PPP1R12C: variants seen among roughly 807,000 people sequenced by gnomAD.
PPP1R12C encodes leukocyte receptor cluster (LRC) encoded novel gene 3.
In PPP1R12C, 48 loss-of-function variants were observed where a neutral mutation model predicts 95.6. The ratio of observed to expected loss-of-function variants is 0.50; its 90% CI spans 0.40 to 0.64. The LOEUF (loss-of-function observed/expected upper bound fraction) is 0.64. PPP1R12C is among the 30% of genes least tolerant of loss of function. PPP1R12C has a pLI of 0.00. For missense variants in PPP1R12C, 1,057 were observed against 1,083.3 expected, an observed-to-expected ratio of 0.98 and a Z score of 0.34; for synonymous variants, 480 against 460.8, an observed-to-expected ratio of 1.04 and a Z score of -0.53.
In PPP1R12C at chr19:55,094,780, A is replaced by C. The variant is rs150000536; in HGVS notation, c.1473T>G (p.Pro491=). The C allele has an allele frequency of 6.4e-5, 102 of 1,600,056 alleles. No homozygotes were observed. The highest frequency in any genetic ancestry group is 8.0e-5 in the Non-Finnish European group (94 of 1,175,262). ...EPSVLSEVTK[P]PPCLENSSPP... is the part of the protein sequence containing the mutation. ...GCGAGGAGTTCTCCAAGCAAGGAGG[A>C]GGCTTGGTGACCTCAGACCTGCATC... The change falls in exon 12 of 22, where the codon CCT becomes CCG. Residue 491 remains proline (P), a synonymous_variant. Coordinates refer to ENST00000263433, the MANE Select transcript of PPP1R12C (RefSeq NM_017607.4).
At chr19:55,096,486 C>T in intron 6 of PPP1R12C, 151 bp from the exon 7 acceptor site, 1 of 933,448 alleles carries the variant, frequency 1.1e-6, no homozygotes, top group Admixed American at 2.1e-5. Flanking sequence ...CCACACACCT[C>T]AGGGGCAGGA....
chr19:55,096,324 T>C lies in PPP1R12C; in HGVS notation c.963A>G (p.Gln321=). 2 of 1,613,352 alleles carry C rather than the reference T, an allele frequency of 1.2e-6. No individual in the cohort carries two copies. The highest frequency in any genetic ancestry group is 1.7e-6 in the Non-Finnish European group (2 of 1,179,822). The change falls in exon 7 of 22, where the codon CAA becomes CAG. Residue 321 remains glutamine, a synonymous_variant. Transcript: ENST00000263433. ...LARKQEDLRN[Q]KEASQSRGQE... Reference sequence around the variant, plus strand: ...GGCCCCGGCTCTGGGAAGCTTCTTTTTGGTTCCGAAGCTGCAAGGAGGGAA... The same window carrying C: ...GGCCCCGGCTCTGGGAAGCTTCTTTCTGGTTCCGAAGCTGCAAGGAGGGAA...
In PPP1R12C at chr19:55,095,880, G is replaced by C; in HGVS notation, c.1214C>G (p.Pro405Arg). 6.2e-7 allele frequency: 1 copy of C among 1,613,774 alleles called. No individual in the cohort carries two copies. Among genetic ancestry groups the C allele is most frequent in the Non-Finnish European group, 8.5e-7 (1 of 1,179,976 alleles). Residue 405 changes from proline (P) to arginine (R), a missense_variant, in exon 9 of 22, where the codon CCT becomes CGT. Transcript: ENST00000263433. ...GCATCCACTCACCACGGGACTCTTA[G>C]GGCTGGGGTGCGGCGGGGAGGAGAC... is the stretch of plus-strand genomic sequence containing the variant. ...NGVSSPPHPS[P>R]KSPVQLEEAP...
intron 4 of PPP1R12C, among the ~76,000 whole-genome samples, chr19:55,100,047 C>T (rs2084964087): frequency 6.6e-6 from 1 of 152,202 alleles, no homozygotes; most frequent in Admixed American, 6.5e-5. Context: ...CCTGCCCCAG[C>T]TGTGCTGGGC....
At chr19:55,097,998 A>G (rs932452722) in intron 6 of PPP1R12C, among the ~76,000 whole-genome samples, 2 of 152,060 alleles carry the variant, frequency 1.3e-5, no homozygotes, top group African/African-American at 4.8e-5. Flanking sequence ...CCTGTGTGAG[A>G]TCTTCTCCTA....
In PPP1R12C at chr19:55,096,277, C is replaced by G. The variant is rs1046597727; in HGVS notation, c.1010G>C (p.Ser337Thr). Reference sequence around the variant, plus strand: ...CTCCCTATACCTTCTGTGTTTGCTGCTAGAGGGCGCTTGGGGCTCCTGGCC... The same window carrying G: ...CTCCCTATACCTTCTGTGTTTGCTGGTAGAGGGCGCTTGGGGCTCCTGGCC... ...SRGQEPQAPS[S>T]SKHRRSSVCR... is the part of the protein sequence containing the mutation. The change falls in exon 7 of 22, where the codon AGC becomes ACC. Residue 337 changes from serine to threonine, a missense_variant. Coordinates refer to ENST00000263433, the MANE Select transcript of PPP1R12C (RefSeq NM_017607.4). 6.2e-7 allele frequency: 1 copy of G among 1,613,880 alleles called. No homozygotes were observed. The highest frequency in any genetic ancestry group is 1.3e-5 in the African/African-American group (1 of 75,028).
chr19:55,099,171 G>A, intron 4 of PPP1R12C, 76 bp from the exon 5 acceptor site: 1 of 1,427,102 alleles, frequency 7.0e-7, no homozygotes. Context: ...CCAGCGGTTT[G>A]GTAACGAGGT....
chr19:55,111,114 G>C, intron 3 of PPP1R12C, among the ~76,000 whole-genome samples: 1 of 126,852 alleles, frequency 7.9e-6, no homozygotes, highest in Non-Finnish European at 1.6e-5. Context: ...CAAATCCACA[G>C]ACAGAAGGCA....
In PPP1R12C at chr19:55,093,005, G is replaced by T. The variant is rs767353029; in HGVS notation, c.1825+11C>A. The T allele has an allele frequency of 1.3e-6, 2 of 1,570,630 alleles. No individual in the cohort carries two copies. ...TTCCCTGGGAATGACCTCCCCGAGA[G>T]CAGACCTCACCTCTCTGGGCAGGGC... is the stretch of plus-strand genomic sequence containing the variant. On this transcript the variant is annotated intron_variant, in intron 15 of 21. Coordinates refer to ENST00000263433, the MANE Select transcript of PPP1R12C (RefSeq NM_017607.4).
rs896353267 is a variant in PPP1R12C at position 55,091,762 on chromosome 19, G to A, written c.2212-62C>T. On this transcript the variant is annotated intron_variant, in intron 20 of 21. Transcript: ENST00000263433. ...GCTGAGGAGGGCAGGGGAAGGCCAG[G>A]GGCCAGCTGGGAAGGGCAATGTGGC... The A allele has an allele frequency of 1.9e-6, 3 of 1,612,374 alleles. No homozygotes were observed. The African/African-American group carries it at 4.0e-5, about 22-fold the overall frequency.
rs1033752048 is a variant in PPP1R12C, at chr19:55,109,240, G to A, written c.571+3227C>T. Among the ~76,000 whole-genome samples the A allele has an allele frequency of 3.3e-5, 5 of 152,150 alleles. No homozygotes were observed. The highest frequency in any genetic ancestry group is 6.6e-5 in the Admixed American group (1 of 15,262). On this transcript the variant is annotated intron_variant, in intron 3 of 21. Transcript: ENST00000263433. The surrounding 1 kb of genome is among the most constrained non-coding windows in gnomAD (Gnocchi z 4.4). ...CTCAGCCTACTGAGTAGCTGGGAGC[G>A]TACGTGCATTCCCACGCCTGGCTAA...
rs935955913 is a variant in PPP1R12C at position 55,091,335 on chromosome 19, C to G, written c.*137G>C. ...GGCTCCTGGGGACTCTGCTCCCCTC[C>G]CAGTCCGGAGGTCCCAGGGGGGCTA... On this transcript the variant is annotated 3_prime_UTR_variant, in exon 22 of 22. Transcript: ENST00000263433. The G allele has an allele frequency of 7.3e-5, 69 of 947,932 alleles. No individual in the cohort carries two copies. The South Asian group carries it at 1.1e-3, about 15-fold the overall frequency. 58.7% of individuals were successfully genotyped at this position (947,932 alleles called of 1,614,324 possible). A position where few individuals can be genotyped will look rare whatever the true frequency, so the allele number is the denominator to read the frequency against.
intron 12 of PPP1R12C, 48 bp from the exon 13 acceptor site, chr19:55,094,483 C>G (rs766317220): frequency 1.9e-6 from 3 of 1,607,024 alleles, no homozygotes; most frequent in African/African-American, 1.3e-5. Flanking sequence ...GGACCCTGTC[C>G]CATTCCGTGG....
At chr19:55,112,827 T>A in intron 1 of PPP1R12C, 32 bp from the exon 2 acceptor site, 1 of 1,608,174 alleles carries the variant, frequency 6.2e-7, no homozygotes, top group Non-Finnish European at 8.5e-7. Flanking sequence ...CAGCCGCACC[T>A]ACCCCAGCCA....
chr19:55,097,242 C>T, intron 6 of PPP1R12C, among the ~76,000 whole-genome samples: 1 of 122,138 alleles, frequency 8.2e-6, no homozygotes, highest in South Asian at 2.9e-4. Context: ...CGCAGTTCAC[C>T]ACCGTCTTCA....
chr19:55,110,502 T>C (rs559923265), intron 3 of PPP1R12C, among the ~76,000 whole-genome samples: 2 of 152,212 alleles, frequency 1.3e-5, no homozygotes, highest in South Asian at 4.1e-4. Context: ...GCGTGTTGCA[T>C]CCCTACTGTG....
At chr19:55,095,821 T>G (rs755164244) in intron 9 of PPP1R12C, 46 bp downstream of exon 9, 3 of 1,594,718 alleles carry the variant, frequency 1.9e-6, no homozygotes, top group Non-Finnish European at 2.6e-6. Flanking sequence ...GAATCCCACC[T>G]CCGGGCCCTC....
chr19:55,107,240 C>G (rs2085048072), intron 3 of PPP1R12C, among the ~76,000 whole-genome samples: 1 of 152,050 alleles, frequency 6.6e-6, no homozygotes, highest in Non-Finnish European at 1.5e-5. Flanking sequence ...ATGGTGAAAC[C>G]CCATCTCTAC....
At chr19:55,104,679 T>C (rs957375345) in intron 3 of PPP1R12C, among the ~76,000 whole-genome samples, 64 of 149,138 alleles carry the variant, frequency 4.3e-4, no homozygotes, top group African/African-American at 1.5e-3. Flanking sequence ...GCCTGGGTGA[T>C]AGAGTGAGAC....
Sources: gnomAD v4.1 joint callset for allele counts (sites outside exome capture counted in the v4.1 genomes callset) on GRCh38, gnomAD v4.1.1 for gene constraint, Gnocchi (gnomAD v3.1) non-coding constraint, MANE v1.5 for transcripts, NCBI Gene and HGNC (gene_info 2026-07-23, HGNC 2026-07-21) for gene names.